The following MYO15A variants were observed in gnomAD, a reference collection of about 807,000 sequenced individuals.
MYO15A encodes the protein unconventional myosin-XV.
Under a neutral mutation model 394.6 loss-of-function variants are expected in MYO15A, and 308 were observed. That is an observed-to-expected ratio of 0.78 (90% CI 0.71 to 0.86). The LOEUF is 0.86. Ranked by LOEUF, MYO15A falls within the 40% of genes least tolerant of loss-of-function variation. MYO15A has a pLI of 0.00. For missense variants in MYO15A, 4,606 were observed against 4,799.1 expected, an observed-to-expected ratio of 0.96 and a Z score of 1.19; for synonymous variants, 1,957 against 2,003.8, an observed-to-expected ratio of 0.98 and a Z score of 0.62.
Position 18,148,164 on chromosome 17 carries a change from G to T in MYO15A, c.6645G>T (p.Ala2215=). The T allele has an allele frequency of 6.2e-7, 1 of 1,613,794 alleles. No homozygotes were observed. Among genetic ancestry groups the T allele is most frequent in the South Asian group, 1.1e-5 (1 of 91,066 alleles). ...CCCCGACCCAGCTCGAGTGGACAGC[G>T]ACCTATGAGAAGGCCAGCATGGCGC... ...TLPPTQLEWT[A]TYEKASMALD... Residue 2215 remains alanine (A), a synonymous_variant, in exon 31 of 66, where the codon GCG becomes GCT. Coordinates refer to ENST00000647165, the MANE Select transcript of MYO15A (RefSeq NM_016239.4). The surrounding 1 kb of genome is among the most constrained non-coding windows in gnomAD (Gnocchi z 4.8).
At chr17:18,170,587 G>A (rs2046925361) in intron 62 of MYO15A, among the ~76,000 whole-genome samples, 1 of 151,776 alleles carries the variant, frequency 6.6e-6, no homozygotes, top group Non-Finnish European at 1.5e-5. Context: ...TCGAACTCTT[G>A]GGCTCAAAGT....
intron 64 of MYO15A, chr17:18,172,568 A>C (rs2046957450): frequency 2.0e-6 from 1 of 502,586 alleles, no homozygotes; most frequent in East Asian, 3.8e-5. Flanking sequence ...AGGCTGCCAT[A>C]ATAAAAGACC....
Position 18,159,242 on chromosome 17 carries a change from C to T in MYO15A, c.9157-33C>T, listed in dbSNP as rs774997052. ...CCCCTTTCTGTTCTGACGTGTCCCTCCTCCATCATGACACAGCCCTCTTCC... is the reference window on the plus strand; with the variant it reads ...CCCCTTTCTGTTCTGACGTGTCCCTTCTCCATCATGACACAGCCCTCTTCC... On this transcript the variant is annotated intron_variant, in intron 53 of 65. Coordinates refer to ENST00000647165, the MANE Select transcript of MYO15A (RefSeq NM_016239.4). 19 of 1,610,232 alleles carry T rather than the reference C, an allele frequency of 1.2e-5. No homozygotes were observed. The South Asian group carries it at 2.0e-4, about 17-fold the overall frequency.
chr17:18,151,187 T>C lies in MYO15A; in HGVS notation c.7551T>C (p.Thr2517=). The part of the protein sequence containing the change: ...PPAKPVLLRA[T]PKPLAPAPLA... ...CCAAACCCGTGCTCCTGCGTGCCAC[T>C]CCAAAGCCCTTGGCCCCAGCCCCTC... The change falls in exon 39 of 66, where the codon ACT becomes ACC. Residue 2517 remains threonine (T), a synonymous_variant. Coordinates refer to ENST00000647165, the MANE Select transcript of MYO15A (RefSeq NM_016239.4). The C allele has an allele frequency of 6.2e-7, 1 of 1,613,952 alleles. No homozygotes were observed. Among genetic ancestry groups the C allele is most frequent in the Non-Finnish European group, 8.5e-7 (1 of 1,179,974 alleles).
rs2046744802 is a variant in MYO15A, at chr17:18,159,633, C to G, written c.9257C>G (p.Pro3086Arg). ...LAVMRFMGDA[P>R]LKGQSDLDVL... ...GTAATGAGGTTCATGGGGGATGCCC[C>G]ACTGAAGGGCCAGAGTGACCTGGAC... The change falls in exon 55 of 66, where the codon CCA (proline) becomes CGA (arginine). Residue 3086 changes from proline to arginine, a missense_variant. Physicochemically the swap from Pro to Arg is moderately radical, Grantham distance 103. This residue lies in a region of MYO15A where 2,776 missense variants were observed against 3,109.3 expected (regional missense o/e 0.89). Coordinates refer to ENST00000647165, the MANE Select transcript of MYO15A (RefSeq NM_016239.4). 2 of 1,613,996 alleles carry G rather than the reference C, an allele frequency of 1.2e-6. No individual in the cohort carries two copies. The highest frequency in any genetic ancestry group is 1.7e-5 in the Admixed American group (1 of 60,004).
At chr17:18,140,868 C>T in intron 21 of MYO15A, 36 bp downstream of exon 21, 1 of 1,613,852 alleles carries the variant, frequency 6.2e-7, no homozygotes, top group South Asian at 1.1e-5. Flanking sequence ...AGAGCCAAAT[C>T]CTCCTGCCCA....
Position 18,119,183 on chromosome 17 carries a change from G to A in MYO15A, c.383G>A (p.Ser128Asn). 1 of 1,612,482 alleles carries A rather than the reference G, an allele frequency of 6.2e-7. No individual in the cohort carries two copies. The highest frequency in any genetic ancestry group is 8.5e-7 in the Non-Finnish European group (1 of 1,179,892). ...CTGCGGCCGCGCGCCCGGTCACTCA[G>A]CAAAGCGTCCACGGCCATCAACTGG... ...GRLRPRARSL[S>N]KASTAINWLT... The change falls in exon 2 of 66, where the codon AGC becomes AAC. Residue 128 changes from serine (S) to asparagine (N), a missense_variant. Ser to Asn is a conservative substitution (Grantham distance 46, BLOSUM62 1). Transcript: ENST00000647165.
intron 65 of MYO15A, among the ~76,000 whole-genome samples, chr17:18,176,344 C>T (rs938931940): frequency 5.3e-5 from 8 of 151,894 alleles, no homozygotes; most frequent in African/African-American, 1.2e-4. Context: ...AGGCACATCA[C>T]GTGGCAAGAG....
intron 13 of MYO15A, among the ~76,000 whole-genome samples, chr17:18,136,119 G>C (rs2046264218): frequency 6.6e-6 from 1 of 152,160 alleles, no homozygotes; most frequent in Non-Finnish European, 1.5e-5. Context: ...TCTTTGGACG[G>C]GTCAGTGCCT....
Position 18,162,760 on chromosome 17 carries a change from G to T in MYO15A, c.9612+81G>T, listed in dbSNP as rs990657339. Reference sequence around the variant, plus strand: ...CATGCCTGTAATCCCAGCACTTTGGGAGGCTGAGGCGGGCAGATCACCTGA... The same window carrying T: ...CATGCCTGTAATCCCAGCACTTTGGTAGGCTGAGGCGGGCAGATCACCTGA... On this transcript the variant is annotated intron_variant, in intron 58 of 65. Transcript: ENST00000647165. 6.2e-6 allele frequency: 9 copies of T among 1,453,030 alleles called. 1 individual carries two copies. In the African/African-American group the frequency reaches 1.3e-4, roughly 20 times the overall value. 90.0% of individuals were successfully genotyped at this position (1,453,030 alleles called of 1,614,324 possible).
Position 18,120,950 on chromosome 17 carries a change from G to A in MYO15A, c.2150G>A (p.Ser717Asn). Residue 717 changes from serine to asparagine, a missense_variant, in exon 2 of 66, where the codon AGC (serine) becomes AAC (asparagine). Ser to Asn is a conservative substitution (Grantham distance 46, BLOSUM62 1). Coordinates refer to ENST00000647165, the MANE Select transcript of MYO15A (RefSeq NM_016239.4). ...CACGTGCCACCGGCGCCGCAGGCCA[G>A]CTGGTGGGCCTTCGTGGAGCCCCCT... ...PAHVPPAPQA[S>N]WWAFVEPPAV... The A allele has an allele frequency of 6.8e-7, 1 of 1,480,758 alleles. No homozygotes were observed. The highest frequency in any genetic ancestry group is 8.9e-7 in the Non-Finnish European group (1 of 1,121,604). The allele number at this position is 1,480,758 out of a possible 1,614,324, so 91.7% of individuals were successfully genotyped here.
rs1597784648 is a variant in MYO15A at position 18,135,808 on chromosome 17, TC to T, written c.4581del (p.Thr1528ProfsTer4). 6.2e-7 allele frequency: 1 copy of T among 1,613,964 alleles called. No homozygotes were observed. Among genetic ancestry groups the T allele is most frequent in the Non-Finnish European group, 8.5e-7 (1 of 1,179,956 alleles). On this transcript the variant is annotated frameshift_variant, in exon 13 of 66. Coordinates refer to ENST00000647165, the MANE Select transcript of MYO15A (RefSeq NM_016239.4). LOFTEE classifies it high-confidence loss of function. ...TCCCCTGAGGGCCTGCAGAAGGCCA[TC>T]ACCTTCAAAGTGACCGTGAGTCTGT... ...QISPEGLQKA[I>X]TFKVTETMRE...
At position 18,141,039 on chromosome 17, in the gene MYO15A, A is replaced by G. The variant is rs760398280; in HGVS notation, c.5427A>G (p.Pro1809=). The change falls in exon 22 of 66, where the codon CCA becomes CCG. Residue 1809 remains proline, a synonymous_variant. Coordinates refer to ENST00000647165, the MANE Select transcript of MYO15A (RefSeq NM_016239.4). The stretch of plus-strand genomic sequence containing the variant: ...TACAGGAGCCAGGTCTCTTTGAGCC[A>G]GATGTGGTAATGGCACAATTACGCT... ...NHKKEPGLFE[P]DVVMAQLRYS... 18 of 1,614,046 alleles carry G rather than the reference A, an allele frequency of 1.1e-5. No individual in the cohort carries two copies. The highest frequency in any genetic ancestry group is 1.4e-5 in the Non-Finnish European group (17 of 1,180,052).
chr17:18,163,696 G>T (rs765213384), intron 59 of MYO15A, 46 bp from the exon 60 acceptor site: 24 of 1,560,074 alleles, frequency 1.5e-5, no homozygotes, highest in Admixed American at 1.8e-5. Flanking sequence ...AAGGACAGAG[G>T]TCAAGCCCAA....
chr17:18,159,051 C>T, intron 53 of MYO15A, 54 bp downstream of exon 53: 3 of 1,582,562 alleles, frequency 1.9e-6, no homozygotes, highest in Non-Finnish European at 2.6e-6. Context: ...ATGCAGGGGC[C>T]CCCTCCCAGG....
At position 18,120,819 on chromosome 17, in the gene MYO15A, G is replaced by T. The variant is rs886052669; in HGVS notation, c.2019G>T (p.Gly673=). 8.4e-7 allele frequency: 1 copy of T among 1,192,926 alleles called. No homozygotes were observed. Among genetic ancestry groups the T allele is most frequent in the Non-Finnish European group, 1.0e-6 (1 of 963,160 alleles). The allele number at this position is 1,192,926 out of a possible 1,614,324, so 73.9% of individuals were successfully genotyped here. Residue 673 remains glycine (G), a synonymous_variant, in exon 2 of 66, where the codon GGG becomes GGT. Transcript: ENST00000647165. ...PPVPPRPPSS[G]PPPAPPLSPA... is the part of the protein sequence containing the mutation. The stretch of plus-strand genomic sequence containing the variant: ...TGCCCCCGCGGCCCCCAAGCTCCGG[G>T]CCCCCGCCCGCGCCGCCGCTCTCCC...
chr17:18,178,839 C>T lies in MYO15A; in HGVS notation c.10562C>T (p.Thr3521Ile), dbSNP rs377578345. 1 of 1,613,662 alleles carries T rather than the reference C, an allele frequency of 6.2e-7. No individual in the cohort carries two copies. The highest frequency in any genetic ancestry group is 1.3e-5 in the African/African-American group (1 of 74,898). ...NLLSAHEKRL[T>I]LPPSEITLL is the part of the protein sequence containing the mutation. Reference sequence around the variant, plus strand: ...CTCAGTGCCCATGAGAAGCGGCTCACATTGCCCCCCAGCGAGATCACCCTG... The same window carrying T: ...CTCAGTGCCCATGAGAAGCGGCTCATATTGCCCCCCAGCGAGATCACCCTG... Residue 3521 changes from threonine to isoleucine, a missense_variant, in exon 66 of 66, where the codon ACA becomes ATA. By Grantham distance (89) the Thr-to-Ile change is moderately conservative (BLOSUM62 -1). This residue lies in a region of MYO15A where 2,776 missense variants were observed against 3,109.3 expected (regional missense o/e 0.89). Coordinates refer to ENST00000647165, the MANE Select transcript of MYO15A (RefSeq NM_016239.4).
Position 18,144,520 on chromosome 17 carries a change from A to C in MYO15A, c.6201A>C (p.Thr2067=), listed in dbSNP as rs1597796935. ...AGGAACCTGCCTTTGGGATGCTGAC[A>C]GTGCCCCTGAGGACACCCCTCACGC... ...HFKEPAFGML[T]VPLRTPLTQL... is the part of the protein sequence containing the mutation. The change falls in exon 29 of 66, where the codon ACA becomes ACC. Residue 2067 remains threonine, a synonymous_variant. Transcript: ENST00000647165. 9 of 1,613,438 alleles carry C rather than the reference A, an allele frequency of 5.6e-6. No individual in the cohort carries two copies. Among genetic ancestry groups the C allele is most frequent in the Non-Finnish European group, 7.6e-6 (9 of 1,180,016 alleles).
chr17:18,154,943 C>G (rs1307210285), intron 45 of MYO15A, among the ~76,000 whole-genome samples, 167 bp from the exon 46 acceptor site: 1 of 152,264 alleles, frequency 6.6e-6, no homozygotes, highest in Non-Finnish European at 1.5e-5. Flanking sequence ...GCCTGACACA[C>G]TGTGTGTCCT....
Sources: allele counts gnomAD v4.1 joint callset (sites outside exome capture counted in the v4.1 genomes callset), GRCh38; gene constraint gnomAD v4.1.1; regional missense constraint gnomAD v4.1.1; non-coding constraint Gnocchi (gnomAD v3.1); transcripts MANE v1.5; gene names NCBI Gene and HGNC (gene_info 2026-07-23, HGNC 2026-07-21).